The following MTREX variants were observed in gnomAD, a reference collection of about 807,000 sequenced individuals.
MTREX encodes exosome RNA helicase MTR4.
A neutral mutation model predicts 135.4 loss-of-function variants in MTREX; 76 were observed. The observed-to-expected ratio is 0.56, with a 90% CI of 0.47 to 0.68. MTREX has a LOEUF of 0.68. Ranked by LOEUF, MTREX falls within the 30% of genes least tolerant of loss-of-function variation. The pLI is 0.00. For missense variants in MTREX, 920 were observed against 1,262.1 expected, an observed-to-expected ratio of 0.73 and a Z score of 4.11; for synonymous variants, 404 against 401.6, an observed-to-expected ratio of 1.01 and a Z score of -0.07.
intron 25 of MTREX, among the ~76,000 whole-genome samples, chr5:55,421,446 CTG>C (rs981762609): frequency 6.6e-5 from 10 of 152,320 alleles, no homozygotes; most frequent in South Asian, 2.1e-4. Flanking sequence ...TTACCTGAAA[CTG>C]TGTCGAAACT....
chr5:55,403,203 T>TA lies in MTREX; in HGVS notation c.2482-2213dup, dbSNP rs200052172. ...GTGACAGAGTGAGACCCTATCTCTT[T>TA]AAAAAAAAACAAAAACAAAAAAAAA... On this transcript the variant is annotated intron_variant, in intron 21 of 26. Transcript: ENST00000230640. Among the ~76,000 whole-genome samples, 1,409 of 149,766 alleles carry TA rather than the reference T, an allele frequency of 9.4e-3. 9 individuals carry two copies. The highest frequency in any genetic ancestry group is 0.024 in the Middle Eastern group (7 of 292).
intron 25 of MTREX, among the ~76,000 whole-genome samples, 165 bp from the exon 26 acceptor site, chr5:55,422,713 T>A (rs2111635980): frequency 6.6e-6 from 1 of 152,316 alleles, no homozygotes. Flanking sequence ...GAGTTAAGCC[T>A]TTCATCTTTG....
At chr5:55,380,889 A>G (rs955426045) in intron 18 of MTREX, among the ~76,000 whole-genome samples, 1 of 151,922 alleles carries the variant, frequency 6.6e-6, no homozygotes, top group Non-Finnish European at 1.5e-5. Flanking sequence ...GGTATTAAAT[A>G]TTTTTTCCCA....
chr5:55,315,756 A>C (rs897638558), intron 1 of MTREX, among the ~76,000 whole-genome samples: 1 of 151,916 alleles, frequency 6.6e-6, no homozygotes, highest in African/African-American at 2.4e-5. Context: ...ATAATTGTAC[A>C]GTGAAGTATA....
At chr5:55,404,770 A>G (rs1237227638) in intron 21 of MTREX, among the ~76,000 whole-genome samples, 3 of 146,496 alleles carry the variant, frequency 2.0e-5, no homozygotes, top group African/African-American at 7.6e-5. Context: ...ACCTCTCTCC[A>G]TTTAAGCAAG....
chr5:55,373,338 A>G (rs1381727543), intron 16 of MTREX, among the ~76,000 whole-genome samples: 2 of 151,434 alleles, frequency 1.3e-5, no homozygotes, highest in Non-Finnish European at 2.9e-5. Flanking sequence ...TTTTTTGTTT[A>G]ATTATATATA....
chr5:55,345,578 G>A (rs1455440112), intron 10 of MTREX, among the ~76,000 whole-genome samples: 4 of 151,396 alleles, frequency 2.6e-5, no homozygotes, highest in Non-Finnish European at 5.9e-5. Flanking sequence ...TTCGATCTCT[G>A]TGGCTTTCCC....
At chr5:55,309,023 T>C (rs766093922) in intron 1 of MTREX, among the ~76,000 whole-genome samples, 2 of 152,144 alleles carry the variant, frequency 1.3e-5, no homozygotes, top group Non-Finnish European at 2.9e-5. Context: ...TAACTTAAAA[T>C]GAATGATATA....
chr5:55,358,879 T>C (rs1265095578), intron 15 of MTREX, among the ~76,000 whole-genome samples, 181 bp downstream of exon 15: 1 of 152,236 alleles, frequency 6.6e-6, no homozygotes, highest in Non-Finnish European at 1.5e-5. Context: ...TGTATCCTAC[T>C]TCACCTAATA....
intron 1 of MTREX, among the ~76,000 whole-genome samples, chr5:55,313,273 CAA>C (rs34340973): frequency 1.3e-4 from 13 of 97,006 alleles, no homozygotes; most frequent in Non-Finnish European, 1.6e-4. Flanking sequence ...CCTGTCTCTA[CAA>C]AAAAAAAAAA....
intron 1 of MTREX, among the ~76,000 whole-genome samples, chr5:55,310,607 CAA>C (rs903057558): frequency 7.2e-6 from 1 of 138,638 alleles, no homozygotes; most frequent in African/African-American, 2.7e-5. Context: ...GACTCCATCT[CAA>C]AAAAAAAAAG....
intron 5 of MTREX, among the ~76,000 whole-genome samples, chr5:55,332,696 A>G (rs1050878844): frequency 1.3e-5 from 2 of 152,166 alleles, no homozygotes; most frequent in African/African-American, 4.8e-5. Flanking sequence ...CTCCCAAGAT[A>G]ATGTAATTAG....
At chr5:55,413,262 G>A (rs1048051928) in intron 23 of MTREX, among the ~76,000 whole-genome samples, 2 of 151,560 alleles carry the variant, frequency 1.3e-5, no homozygotes, top group Non-Finnish European at 1.5e-5. Context: ...GCTTGAACCC[G>A]GGAGGTGGAG....
At chr5:55,330,312 G>T (rs1035623730) in intron 5 of MTREX, among the ~76,000 whole-genome samples, 12 of 152,040 alleles carry the variant, frequency 7.9e-5, no homozygotes, top group African/African-American at 2.4e-4. Context: ...CTGGGCTCAA[G>T]TGATTCTCCT....
In MTREX at chr5:55,423,165, A is replaced by G. The variant is rs572878507; in HGVS notation, c.3076+183A>G. On this transcript the variant is annotated intron_variant, in intron 26 of 26. Transcript: ENST00000230640. ...GGGGAAAAGTTGAGATTTTATATAT[A>G]CATGCATTTACGTATATTAATTGTA... 2.6e-4 allele frequency: 154 copies of G among 586,418 alleles called. 1 individual carries two copies. The Middle Eastern group carries it at 3.6e-3, about 14-fold the overall frequency. The allele number at this position is 586,418 out of a possible 1,614,324, so 36.3% of individuals were successfully genotyped here.
chr5:55,370,406 A>C (rs1750177101), intron 16 of MTREX, among the ~76,000 whole-genome samples: 1 of 152,024 alleles, frequency 6.6e-6, no homozygotes, highest in Non-Finnish European at 1.5e-5. Context: ...CACAGTCCCC[A>C]GCTTTTGTGT....
At chr5:55,342,437 CTA>C (rs1749666195) in intron 7 of MTREX, among the ~76,000 whole-genome samples, 1 of 152,048 alleles carries the variant, frequency 6.6e-6, no homozygotes, top group African/African-American at 2.4e-5. Context: ...AGTTCAGTAA[CTA>C]TGAAATATGT....
chr5:55,404,005 C>T (rs1750763546), intron 21 of MTREX, among the ~76,000 whole-genome samples: 1 of 152,210 alleles, frequency 6.6e-6, no homozygotes, highest in South Asian at 2.1e-4. Context: ...TCAGTTTTCT[C>T]ATCTGTAAAA....
chr5:55,402,718 A>G (rs1750740512), intron 21 of MTREX, among the ~76,000 whole-genome samples: 1 of 151,848 alleles, frequency 6.6e-6, no homozygotes, highest in Non-Finnish European at 1.5e-5. Context: ...CAGCAATAAG[A>G]TTATAGTGGT....
Sources: allele counts gnomAD v4.1 joint callset (sites outside exome capture counted in the v4.1 genomes callset), GRCh38; gene constraint gnomAD v4.1.1; transcripts MANE v1.5; gene names NCBI Gene and HGNC (gene_info 2026-07-23, HGNC 2026-07-21).